Variants in PCCB observed in about 807,000 individuals in gnomAD.
PCCB encodes the protein propionyl-CoA carboxylase beta chain, mitochondrial.
A neutral mutation model predicts 60.7 loss-of-function variants in PCCB; 43 were observed. The observed-to-expected ratio is 0.71, with a 90% CI of 0.55 to 0.91. PCCB has a LOEUF of 0.91. Among genes scored for constraint, PCCB ranks in the 40% least tolerant of loss-of-function variants. The probability of loss-of-function intolerance (pLI) is 0.00; values close to 1 mark genes in which losing one functional copy is unlikely to be tolerated. For missense variants in PCCB, 766 were observed against 702.8 expected, an observed-to-expected ratio of 1.09 and a Z score of -1.02; for synonymous variants, 276 against 255.9, an observed-to-expected ratio of 1.08 and a Z score of -0.75.
chr3:136,317,846 G>T (rs79753610), intron 10 of PCCB, among the ~76,000 whole-genome samples: 1 of 152,166 alleles, frequency 6.6e-6, no homozygotes, highest in East Asian at 1.9e-4. Context: ...GACCTGATTC[G>T]CAGCCAAGTG....
chr3:136,319,096 A>G (rs760491774), intron 10 of PCCB, among the ~76,000 whole-genome samples: 2 of 152,228 alleles, frequency 1.3e-5, no homozygotes, highest in African/African-American at 4.8e-5. Context: ...TTTTAAAAAT[A>G]GTAATCCTAG....
chr3:136,262,620 T>C (rs1220364837), intron 5 of PCCB, among the ~76,000 whole-genome samples: 3 of 152,202 alleles, frequency 2.0e-5, no homozygotes, highest in East Asian at 1.9e-4. Flanking sequence ...TAATGTGTTA[T>C]GTGAAGTATA....
intron 1 of PCCB, among the ~76,000 whole-genome samples, 160 bp from the exon 2 acceptor site, chr3:136,255,696 T>TAA (rs1272756190): frequency 6.6e-6 from 1 of 152,234 alleles, no homozygotes; most frequent in Non-Finnish European, 1.5e-5. Context: ...TAAAGTCTAC[T>TAA]AATAACACCT....
At chr3:136,256,478 C>G (rs1265263056) in intron 2 of PCCB, 77 bp from the exon 3 acceptor site, 3 of 1,043,816 alleles carry the variant, frequency 2.9e-6, no homozygotes, top group Non-Finnish European at 4.5e-6. Context: ...TTTTGTCTTT[C>G]ATTGAGGCAT....
intron 1 of PCCB, among the ~76,000 whole-genome samples, chr3:136,253,879 C>G (rs570081638): frequency 6.6e-6 from 1 of 151,930 alleles, no homozygotes; most frequent in Non-Finnish European, 1.5e-5. Context: ...AACTCCTGGG[C>G]TCAAGCAGTC....
chr3:136,264,726 T>C (rs928187768), intron 5 of PCCB, among the ~76,000 whole-genome samples: 1 of 148,378 alleles, frequency 6.7e-6, no homozygotes, highest in Non-Finnish European at 1.5e-5. Context: ...AAACAAAAAA[T>C]TAGCCAGGTG....
intron 9 of PCCB, among the ~76,000 whole-genome samples, chr3:136,301,459 C>T (rs151097334): frequency 2.0e-5 from 3 of 152,056 alleles, no homozygotes; most frequent in East Asian, 3.9e-4. Context: ...ATCATTGGGG[C>T]CCTCTGCTCA....
At chr3:136,319,948 G>T (rs578059454) in intron 10 of PCCB, among the ~76,000 whole-genome samples, 1 of 152,168 alleles carries the variant, frequency 6.6e-6, no homozygotes, top group Non-Finnish European at 1.5e-5. Context: ...ACCGTTTGTT[G>T]AAGAGATTAT....
chr3:136,318,959 A>T (rs1935011267), intron 10 of PCCB, among the ~76,000 whole-genome samples: 2 of 152,138 alleles, frequency 1.3e-5, no homozygotes, highest in Admixed American at 1.3e-4. Context: ...TTATGTGGTA[A>T]TTCTAGGTTT....
chr3:136,291,879 A>C (rs1167586689), intron 6 of PCCB, among the ~76,000 whole-genome samples: 1 of 152,204 alleles, frequency 6.6e-6, no homozygotes, highest in Non-Finnish European at 1.5e-5. Context: ...TAAAACTCAC[A>C]AAAGTGTGGG....
chr3:136,326,457 C>G, intron 10 of PCCB: 1 of 699,354 alleles, frequency 1.4e-6, no homozygotes, highest in South Asian at 1.5e-5. Context: ...GAGCCAGAAT[C>G]TGATTGGAAG....
chr3:136,250,637 A>T, intron 1 of PCCB, 79 bp downstream of exon 1: 2 of 1,419,302 alleles, frequency 1.4e-6, no homozygotes, highest in Non-Finnish European at 9.5e-7. Context: ...GCGGCGTCCG[A>T]GGCCTCCCTG....
intron 3 of PCCB, 22 bp downstream of exon 3, chr3:136,256,645 C>G: frequency 1.3e-6 from 2 of 1,537,126 alleles, no homozygotes; most frequent in Non-Finnish European, 1.8e-6. Flanking sequence ...CTCCAATAGT[C>G]TGAACTTTTC....
At position 136,267,083 on chromosome 3, in the gene PCCB, C is replaced by T. The variant is rs189923065; in HGVS notation, c.543+5018C>T. Among the ~76,000 whole-genome samples the T allele has an allele frequency of 7.0e-3, 1,062 of 152,278 alleles. 15 individuals carry two copies. The highest frequency in any genetic ancestry group is 0.024 in the African/African-American group (981 of 41,534). On this transcript the variant is annotated intron_variant, in intron 5 of 14. Transcript: ENST00000251654. ...TATTTTTAGTAGAGATAGGGTTTCACCATGTTGCCCAGGCTGGTCTTGAAC... is the reference window on the plus strand; with the variant it reads ...TATTTTTAGTAGAGATAGGGTTTCATCATGTTGCCCAGGCTGGTCTTGAAC...
intron 6 of PCCB, among the ~76,000 whole-genome samples, chr3:136,285,501 C>T (rs1375685844): frequency 6.6e-6 from 1 of 152,118 alleles, no homozygotes; most frequent in Non-Finnish European, 1.5e-5. Context: ...CTCTTGCCAT[C>T]CCATTCTTTA....
rs543691110 is a variant in PCCB at position 136,283,848 on chromosome 3, G to C, written c.555G>C (p.Thr185=). The change falls in exon 6 of 15, where the codon ACG becomes ACC. Residue 185 remains threonine (T), a synonymous_variant. Transcript: ENST00000251654. The part of the protein sequence containing the change: ...GYADIFLRNV[T]ASGVIPQISL... ...TTCTGTTTTGGCAGAGGAATGTTACGGCATCCGGAGTCATCCCTCAGATTT... is the reference window on the plus strand; with the variant it reads ...TTCTGTTTTGGCAGAGGAATGTTACCGCATCCGGAGTCATCCCTCAGATTT... 6.2e-7 allele frequency: 1 copy of C among 1,611,512 alleles called. No homozygotes were observed.
chr3:136,257,969 T>C (rs1941720735), intron 3 of PCCB, among the ~76,000 whole-genome samples: 1 of 152,148 alleles, frequency 6.6e-6, no homozygotes, highest in Non-Finnish European at 1.5e-5. Flanking sequence ...ACTTGGTTAA[T>C]TTAAAATCTG....
At chr3:136,325,705 A>G (rs554227664) in intron 10 of PCCB, among the ~76,000 whole-genome samples, 2 of 152,124 alleles carry the variant, frequency 1.3e-5, no homozygotes, top group African/African-American at 4.8e-5. Context: ...TATTTTCTCT[A>G]CATCTATTGA....
In PCCB at chr3:136,256,561, G is replaced by A; in HGVS notation, c.310G>A (p.Gly104Arg). 1.9e-6 allele frequency: 3 copies of A among 1,611,896 alleles called. No homozygotes were observed. Among genetic ancestry groups the A allele is most frequent in the Non-Finnish European group, 2.5e-6 (3 of 1,178,012 alleles). ...TTTTGCATTTTTCTGGTAGTTTCCT[G>A]GAGACAGCGTGGTCACTGGACGAGG... ...GMAADKNKFP[G>R]DSVVTGRGRI... is the part of the protein sequence containing the mutation. The change falls in exon 3 of 15, where the codon GGA becomes AGA. Residue 104 changes from glycine to arginine, a missense_variant. Gly to Arg is a moderately radical substitution (Grantham distance 125). Coordinates refer to ENST00000251654, the MANE Select transcript of PCCB (RefSeq NM_000532.5).
Sources: allele counts gnomAD v4.1 joint callset (sites outside exome capture counted in the v4.1 genomes callset), GRCh38; gene constraint gnomAD v4.1.1; transcripts MANE v1.5; gene names NCBI Gene and HGNC (gene_info 2026-07-23, HGNC 2026-07-21).